Variants in XNDC1N observed in about 807,000 individuals in gnomAD.
The protein encoded by XNDC1N is XRCC1 N-terminal domain containing 1, N-terminal like, also known as protein XNDC1N.
the XNDC1N span, chr11:71,923,578 CAG>C: frequency 1.4e-4 from 71 of 509,838 alleles, no homozygotes; most frequent in African/African-American, 1.3e-3. Context: ...TTTTTTGAGA[CAG>C]AGTCTTGCTC....
At chr11:71,921,787 G>C in the XNDC1N span, among the ~76,000 whole-genome samples, 2 of 152,120 alleles carry the variant, frequency 1.3e-5, no homozygotes, top group African/African-American at 4.8e-5. Flanking sequence ...TCAACTTATA[G>C]AAGTGGATCT....
chr11:71,911,016 G>A, the XNDC1N span, among the ~76,000 whole-genome samples: 1 of 152,250 alleles, frequency 6.6e-6, no homozygotes. Context: ...GATGGCAGCT[G>A]GACTTTGAAC....
At chr11:71,886,026 G>A in the XNDC1N span, among the ~76,000 whole-genome samples, 12 of 151,882 alleles carry the variant, frequency 7.9e-5, no homozygotes, top group Non-Finnish European at 1.3e-4. Context: ...GTCGCATTGC[G>A]CCATTCCACT....
the XNDC1N span, among the ~76,000 whole-genome samples, chr11:71,897,209 A>G: frequency 7.2e-5 from 11 of 152,352 alleles, no homozygotes; most frequent in Admixed American, 7.2e-4. Flanking sequence ...ATAGGCAACA[A>G]AAGAAAATTA....
At chr11:71,901,137 G>A in the XNDC1N span, among the ~76,000 whole-genome samples, 3,882 of 152,258 alleles carry the variant, frequency 0.025, 56 homozygotes, top group East Asian at 0.074. Flanking sequence ...AGGATCATTC[G>A]GGGCGCATCT....
the XNDC1N span, chr11:71,893,655 C>G: frequency 8.3e-7 from 1 of 1,209,662 alleles, no homozygotes; most frequent in Admixed American, 1.8e-5. Context: ...CGTACTTCTT[C>G]CTCTCCAACC....
At chr11:71,869,511 T>C in the XNDC1N span, among the ~76,000 whole-genome samples, 2 of 152,360 alleles carry the variant, frequency 1.3e-5, no homozygotes, top group East Asian at 1.9e-4. Flanking sequence ...GCAATAAACA[T>C]ACGTCTGCAT....
At chr11:71,918,895 G>C in the XNDC1N span, 1 of 702,552 alleles carries the variant, frequency 1.4e-6, no homozygotes, top group African/African-American at 1.7e-5. Context: ...CCACATCAAT[G>C]TAGCCAGTGG....
chr11:71,915,894 G>A, the XNDC1N span, among the ~76,000 whole-genome samples: 3 of 152,178 alleles, frequency 2.0e-5, no homozygotes, highest in Admixed American at 1.3e-4. Context: ...TGTGAGACAG[G>A]GAAGGAGAGG....
chr11:71,895,568 C>A, the XNDC1N span, among the ~76,000 whole-genome samples: 133 of 150,634 alleles, frequency 8.8e-4, no homozygotes, highest in African/African-American at 3.1e-3. Flanking sequence ...CTCAGGTGAT[C>A]CGCCCGCTTC....
At chr11:71,905,829 A>C in the XNDC1N span, among the ~76,000 whole-genome samples, 4 of 152,036 alleles carry the variant, frequency 2.6e-5, no homozygotes, top group East Asian at 1.9e-4. Flanking sequence ...ATATCTCCCT[A>C]AGATATTACA....
chr11:71,872,113 C>T, the XNDC1N span, among the ~76,000 whole-genome samples: 1 of 152,112 alleles, frequency 6.6e-6, no homozygotes, highest in Non-Finnish European at 1.5e-5. Flanking sequence ...ATAGATGATA[C>T]ATCATGGATG....
At chr11:71,890,435 G>A in the XNDC1N span, among the ~76,000 whole-genome samples, 3 of 151,992 alleles carry the variant, frequency 2.0e-5, no homozygotes, top group African/African-American at 7.3e-5. Flanking sequence ...CTGGAACTTA[G>A]GGACAATATC....
At chr11:71,892,812 T>C in the XNDC1N span, among the ~76,000 whole-genome samples, 7 of 152,232 alleles carry the variant, frequency 4.6e-5, no homozygotes, top group Admixed American at 1.3e-4. Flanking sequence ...TGAGCCATGG[T>C]ACTGGGCCAA....
the XNDC1N span, among the ~76,000 whole-genome samples, chr11:71,877,803 T>C: frequency 7.9e-5 from 12 of 152,242 alleles, no homozygotes; most frequent in African/African-American, 1.2e-4. Context: ...TTTCTTTGTA[T>C]ATATTATTTG....
the XNDC1N span, among the ~76,000 whole-genome samples, chr11:71,914,627 C>T: frequency 6.4e-4 from 96 of 150,712 alleles, no homozygotes; most frequent in Admixed American, 1.1e-3. Context: ...GCAGAGGTTG[C>T]AGTGAGCCGA....
At chr11:71,919,340 G>A in the XNDC1N span, among the ~76,000 whole-genome samples, 1 of 151,686 alleles carries the variant, frequency 6.6e-6, no homozygotes, top group South Asian at 2.1e-4. Context: ...AAGGCCATAG[G>A]CTAAATAACC....
chr11:71,876,760 T>C, the XNDC1N span, among the ~76,000 whole-genome samples: 2 of 152,238 alleles, frequency 1.3e-5, no homozygotes, highest in Admixed American at 1.3e-4. Flanking sequence ...AAACTGTACT[T>C]CCAAAGCTTT....
the XNDC1N span, among the ~76,000 whole-genome samples, chr11:71,892,110 A>G: frequency 3.3e-5 from 5 of 152,116 alleles, no homozygotes; most frequent in Non-Finnish European, 7.4e-5. Flanking sequence ...GGATATTAGA[A>G]AAAAATATCA....
Sources: gnomAD v4.1 joint callset for allele counts (sites outside exome capture counted in the v4.1 genomes callset) on GRCh38, gnomAD v4.1.1 for gene constraint, MANE v1.5 for transcripts, NCBI Gene and HGNC (gene_info 2026-07-23, HGNC 2026-07-21) for gene names.